Variants in GPHN observed in about 807,000 individuals in gnomAD.
GPHN encodes the protein gephyrin.
Under a neutral mutation model 95.5 loss-of-function variants are expected in GPHN, and 17 were observed. The observed-to-expected ratio is 0.18, with a 90% CI of 0.12 to 0.27. GPHN has a LOEUF of 0.27. GPHN is among the 10% of genes least tolerant of loss of function. GPHN has a pLI of 1.00. For missense variants in GPHN, 660 were observed against 978.1 expected (o/e 0.67, Z 4.34); for synonymous variants, 320 against 322.5 (o/e 0.99, Z 0.08).
In GPHN at chr14:66,965,053, A is replaced by G. The variant is rs1014246800; in HGVS notation, c.829-138A>G. 3 of 736,374 alleles carry G rather than the reference A, an allele frequency of 4.1e-6. No homozygotes were observed. In the Admixed American group the frequency reaches 5.8e-5, roughly 14 times the overall value. The allele number at this position is 736,374 out of a possible 1,614,324, so 45.6% of individuals were successfully genotyped here. On this transcript the variant is annotated intron_variant, in intron 8 of 22. Transcript: ENST00000478722. ...TTTCTATTCTATCTCAAGTTGTTGG[A>G]TGCATTTATACCTAACAGTAAGTGA...
the GPHN span, among the ~76,000 whole-genome samples, chr14:67,440,969 C>T: frequency 6.6e-5 from 10 of 152,154 alleles, no homozygotes; most frequent in Non-Finnish European, 1.5e-4. Context: ...CAGAGCTCGG[C>T]TTGTCTCTAA....
intron 1 of GPHN, among the ~76,000 whole-genome samples, chr14:66,562,086 A>G (rs1306749682): frequency 6.6e-6 from 1 of 152,150 alleles, no homozygotes; most frequent in Non-Finnish European, 1.5e-5. Context: ...CAGATAATCC[A>G]AGATAATCTC....
At chr14:67,552,777 A>C in the GPHN span, among the ~76,000 whole-genome samples, 13 of 149,948 alleles carry the variant, frequency 8.7e-5, no homozygotes, top group African/African-American at 3.2e-4. Flanking sequence ...AAAAAAAAAA[A>C]ACAAAAACAA....
At chr14:67,037,741 C>T (rs529403500) in intron 10 of GPHN, among the ~76,000 whole-genome samples, 7 of 149,218 alleles carry the variant, frequency 4.7e-5, no homozygotes, top group Non-Finnish European at 8.9e-5. Flanking sequence ...ATTTAAATCA[C>T]AGTGAGATAC....
At chr14:67,400,534 G>T in the GPHN span, among the ~76,000 whole-genome samples, 1,673 of 152,310 alleles carry the variant, frequency 0.011, 14 homozygotes, top group Non-Finnish European at 0.017. Flanking sequence ...AACTGCAGGG[G>T]TCCTGGGGCA....
At chr14:67,610,036 G>A in the GPHN span, among the ~76,000 whole-genome samples, 3 of 152,172 alleles carry the variant, frequency 2.0e-5, no homozygotes, top group Non-Finnish European at 4.4e-5. Flanking sequence ...AGAATGGCTA[G>A]TCAAGGGCCG....
At chr14:67,525,222 A>G in the GPHN span, among the ~76,000 whole-genome samples, 3 of 152,206 alleles carry the variant, frequency 2.0e-5, no homozygotes, top group African/African-American at 7.2e-5. Context: ...ACCCATATTT[A>G]TATACATAAA....
chr14:66,813,453 G>C (rs2060840319), intron 3 of GPHN, among the ~76,000 whole-genome samples: 1 of 152,176 alleles, frequency 6.6e-6, no homozygotes. Flanking sequence ...TGTGCACCAG[G>C]ACTCATTTTT....
chr14:66,767,841 A>T (rs967012285), intron 2 of GPHN, among the ~76,000 whole-genome samples: 2 of 151,980 alleles, frequency 1.3e-5, no homozygotes, highest in African/African-American at 4.8e-5. Context: ...TGTTCAAAGG[A>T]TTATTAAATA....
At chr14:67,395,589 G>T in the GPHN span, 1 of 1,613,838 alleles carries the variant, frequency 6.2e-7, no homozygotes, top group Admixed American at 1.7e-5. Context: ...AGGAGCTGTG[G>T]GAAGAGAGAG....
intron 1 of GPHN, among the ~76,000 whole-genome samples, chr14:66,540,147 C>T (rs1207294389): frequency 6.6e-6 from 1 of 152,220 alleles, no homozygotes; most frequent in Non-Finnish European, 1.5e-5. Context: ...GGCAGTGGCT[C>T]TGCTCGTGCT....
chr14:66,561,896 C>T (rs578049205), intron 1 of GPHN, among the ~76,000 whole-genome samples: 31 of 152,194 alleles, frequency 2.0e-4, no homozygotes, highest in Admixed American at 1.5e-3. Flanking sequence ...AGTTCCTTGC[C>T]ATTTCCACCT....
At chr14:66,764,929 A>G (rs111382717) in intron 2 of GPHN, among the ~76,000 whole-genome samples, 4,661 of 152,260 alleles carry the variant, frequency 0.031, 115 homozygotes, top group African/African-American at 0.068. Flanking sequence ...AGATAATCAT[A>G]TTTAATAGTT....
intron 18 of GPHN, among the ~76,000 whole-genome samples, chr14:67,151,171 C>G (rs2081263880): frequency 6.6e-6 from 1 of 152,146 alleles, no homozygotes; most frequent in Non-Finnish European, 1.5e-5. Context: ...GTATTACAGA[C>G]ACGTGAACAC....
the GPHN span, chr14:67,392,396 T>G: frequency 6.2e-7 from 1 of 1,613,870 alleles, no homozygotes; most frequent in Non-Finnish European, 8.5e-7. Context: ...AATTTCTTCC[T>G]TGGGGCTTAT....
rs373446238 is a variant in GPHN at position 66,521,260 on chromosome 14, AT to A, written c.64+12679del. 3.6e-3 allele frequency among the ~76,000 whole-genome samples: 547 copies of A among 150,032 alleles called. 9 individuals carry two copies. The highest frequency in any genetic ancestry group is 0.013 in the African/African-American group (520 of 40,888). ...CTGGGTTAAATGGTGGTCAGAGGAA[AT>A]TTTTTTTTTCTCGTGACATTTGTAT... is the stretch of plus-strand genomic sequence containing the variant. On this transcript the variant is annotated intron_variant, in intron 1 of 22. Coordinates refer to ENST00000478722, the MANE Select transcript of GPHN (RefSeq NM_020806.5).
chr14:66,957,279 T>G (rs1214391515), intron 8 of GPHN, among the ~76,000 whole-genome samples: 1 of 127,174 alleles, frequency 7.9e-6, no homozygotes, highest in Non-Finnish European at 1.6e-5. Context: ...CACTGAAACC[T>G]CCACCTCCTG....
the GPHN span, chr14:67,204,620 C>G: frequency 1.2e-6 from 2 of 1,613,832 alleles, no homozygotes; most frequent in South Asian, 2.2e-5. Context: ...AGTGGTCGAG[C>G]CTACTACTTA....
intron 21 of GPHN, among the ~76,000 whole-genome samples, chr14:67,178,199 C>A (rs1253824757): frequency 6.6e-6 from 1 of 152,144 alleles, no homozygotes; most frequent in African/African-American, 2.4e-5. Flanking sequence ...GTGGCAGGTA[C>A]CAATTATTCC....
Sources: allele counts gnomAD v4.1 joint callset (sites outside exome capture counted in the v4.1 genomes callset), GRCh38; gene constraint gnomAD v4.1.1; transcripts MANE v1.5; gene names NCBI Gene and HGNC (gene_info 2026-07-23, HGNC 2026-07-21).